NSA2: variants seen among roughly 807,000 people sequenced by gnomAD.
NSA2 encodes the protein ribosome biogenesis protein NSA2 homolog.
Under a neutral mutation model 34.8 loss-of-function variants are expected in NSA2, and 18 were observed. That is an observed-to-expected ratio of 0.52 (90% CI 0.36 to 0.77). NSA2 has a LOEUF of 0.77. Ranked by LOEUF, NSA2 falls within the 30% of genes least tolerant of loss-of-function variation. The pLI, the probability that NSA2 is intolerant of heterozygous loss-of-function variation, is 0.00. For synonymous variants in NSA2, 79 were observed against 100.2 expected (o/e 0.79, Z 1.26); for missense variants, 188 against 314.7 (o/e 0.60, Z 3.05).
chr5:74,770,877 T>A, intron 4 of NSA2, 67 bp downstream of exon 4: 1 of 1,183,388 alleles, frequency 8.5e-7, no homozygotes, highest in South Asian at 1.9e-5. Flanking sequence ...TAAAGAACAT[T>A]ATCATTTCCT....
intron 4 of NSA2, among the ~76,000 whole-genome samples, chr5:74,771,853 CAAAA>C (rs11291606): frequency 1.3e-5 from 1 of 76,558 alleles, no homozygotes; most frequent in Non-Finnish European, 3.0e-5. Flanking sequence ...GATTCTGTCT[CAAAA>C]AAAAAAAAAA....
intron 4 of NSA2, among the ~76,000 whole-genome samples, chr5:74,772,399 A>G (rs899939582): frequency 1.3e-5 from 2 of 151,568 alleles, no homozygotes; most frequent in Admixed American, 1.3e-4. Flanking sequence ...AATTACAGGC[A>G]TGAGCCACCG....
rs1465882446 is a variant in NSA2 at position 74,777,264 on chromosome 5, T to C, written c.*593T>C. ...TATAATAATACCTACTTGGCACTAT[T>C]TTCTACTTGAATCATGAAAATGAAA... is the stretch of plus-strand genomic sequence containing the variant. On this transcript the variant is annotated 3_prime_UTR_variant, in exon 6 of 6. Transcript: ENST00000610426. 1 of 152,162 alleles carries C rather than the reference T, an allele frequency of 6.6e-6. No homozygotes were observed. The highest frequency in any genetic ancestry group is 1.5e-5 in the Non-Finnish European group (1 of 67,990). The allele number at this position is 152,162 out of a possible 1,614,324, so 9.4% of individuals were successfully genotyped here. A position where few individuals can be genotyped will look rare whatever the true frequency, so the allele number is the denominator to read the frequency against.
chr5:74,776,309 G>C (rs1745118421), intron 5 of NSA2, among the ~76,000 whole-genome samples: 1 of 152,138 alleles, frequency 6.6e-6, no homozygotes, highest in Non-Finnish European at 1.5e-5. Flanking sequence ...AGCCCAGCCT[G>C]GGCAACATGG....
intron 1 of NSA2, 85 bp downstream of exon 1, chr5:74,767,448 G>A: frequency 6.5e-7 from 1 of 1,535,572 alleles, no homozygotes; most frequent in Non-Finnish European, 8.9e-7. Context: ...GGTAGGGGGT[G>A]AGCGGTGGTA....
chr5:74,768,178 T>G (rs546256642), intron 1 of NSA2, among the ~76,000 whole-genome samples: 6 of 152,354 alleles, frequency 3.9e-5, no homozygotes, highest in African/African-American at 1.4e-4. Flanking sequence ...AGTTGTTTAT[T>G]GCAGATTTAT....
chr5:74,767,329 C>A lies in NSA2; in HGVS notation c.-32C>A. ...AATTGAGAGCGTTTTCGCACTCCAG[C>A]GGCTGCTCCTGGCGGCTCTGCGGCC... is the stretch of plus-strand genomic sequence containing the variant. On this transcript the variant is annotated 5_prime_UTR_variant, in exon 1 of 6. Coordinates refer to ENST00000610426, the MANE Select transcript of NSA2 (RefSeq NM_014886.6). 6.2e-7 allele frequency: 1 copy of A among 1,612,922 alleles called. No homozygotes were observed. The highest frequency in any genetic ancestry group is 8.5e-7 in the Non-Finnish European group (1 of 1,179,352).
intron 5 of NSA2, 28 bp downstream of exon 5, chr5:74,774,088 C>T (rs370640487): frequency 6.6e-6 from 10 of 1,513,628 alleles, no homozygotes; most frequent in Non-Finnish European, 9.1e-6. Context: ...TACAGGGCTG[C>T]TGTGTTCTGC....
intron 5 of NSA2, among the ~76,000 whole-genome samples, chr5:74,774,381 C>A (rs1745042135): frequency 6.6e-6 from 1 of 152,114 alleles, no homozygotes; most frequent in African/African-American, 2.4e-5. Flanking sequence ...GCGGGTGGAT[C>A]ACCTGAAGTC....
chr5:74,774,612 T>A (rs533906883), intron 5 of NSA2, among the ~76,000 whole-genome samples: 267 of 151,922 alleles, frequency 1.8e-3, no homozygotes, highest in African/African-American at 5.8e-3. Flanking sequence ...TCAAAAAAAA[T>A]TTTTTTAACC....
intron 4 of NSA2, 135 bp from the exon 5 acceptor site, chr5:74,773,733 G>C (rs750003168): frequency 1.5e-6 from 1 of 651,106 alleles, no homozygotes. Flanking sequence ...AACATATTTT[G>C]TTAGCTTCTT....
chr5:74,775,591 C>A lies in NSA2; in HGVS notation c.716-1013C>A, dbSNP rs1026157667. On this transcript the variant is annotated intron_variant, in intron 5 of 5. Coordinates refer to ENST00000610426, the MANE Select transcript of NSA2 (RefSeq NM_014886.6). Reference sequence around the variant, plus strand: ...TGCCACTGCACTCCGGCCTGGGAGACAGAGCAAGCCTCCATCTCAAAAATA... The same window carrying A: ...TGCCACTGCACTCCGGCCTGGGAGAAAGAGCAAGCCTCCATCTCAAAAATA... 2.6e-5 allele frequency among the ~76,000 whole-genome samples: 4 copies of A among 151,780 alleles called. No individual in the cohort carries two copies. The East Asian group carries it at 7.7e-4, about 29-fold the overall frequency.
intron 5 of NSA2, among the ~76,000 whole-genome samples, chr5:74,775,691 T>TAA (rs11445878): frequency 6.7e-6 from 1 of 150,250 alleles, no homozygotes; most frequent in Non-Finnish European, 1.5e-5. Flanking sequence ...AAGTTATAAC[T>TAA]AAAAAAAATT....
At position 74,767,487 on chromosome 5, in the gene NSA2, G is replaced by A. The variant is rs923023796; in HGVS notation, c.3+124G>A. 3.9e-5 allele frequency: 47 copies of A among 1,199,472 alleles called. 1 individual carries two copies. The highest frequency in any genetic ancestry group is 5.3e-5 in the Admixed American group (3 of 56,586). 74.3% of individuals were successfully genotyped at this position (1,199,472 alleles called of 1,614,324 possible). A position where few individuals can be genotyped will look rare whatever the true frequency, so the allele number is the denominator to read the frequency against. ...GGAAATGAGAACTGCCAAGAGAAAA[G>A]GATGGTAGACCCGTGGGGTGGGCTC... is the stretch of plus-strand genomic sequence containing the variant. On this transcript the variant is annotated intron_variant, in intron 1 of 5. Transcript: ENST00000610426.
At chr5:74,775,451 C>T (rs949650373) in intron 5 of NSA2, among the ~76,000 whole-genome samples, 1 of 151,686 alleles carries the variant, frequency 6.6e-6, no homozygotes. Flanking sequence ...GCCGTCTCTA[C>T]TAAAAATACA....
In NSA2 at chr5:74,769,292, G is replaced by A. The variant is rs1457969176; in HGVS notation, c.270G>A (p.Leu90=). The A allele has an allele frequency of 3.7e-6, 6 of 1,613,430 alleles. No homozygotes were observed. The highest frequency in any genetic ancestry group is 5.1e-6 in the Non-Finnish European group (6 of 1,179,748). The change falls in exon 3 of 6, where the codon CTG becomes CTA. Residue 90 remains leucine, a synonymous_variant. Transcript: ENST00000610426. ...CACAGGGAGCAGTACCTGCCTATCTGCTGGACAGAGAGGGACAATCTCGAG... is the reference window on the plus strand; with the variant it reads ...CACAGGGAGCAGTACCTGCCTATCTACTGGACAGAGAGGGACAATCTCGAG... The part of the protein sequence containing the change: ...KTPQGAVPAY[L]LDREGQSRAK...
In NSA2 at chr5:74,778,717, A is replaced by C. The variant is rs1236218949; in HGVS notation, c.*2046A>C. ...TGAATAATTTAAACTTGAAAGAACT[A>C]AAATACTAATAACCATCTGCTTTAT... On this transcript the variant is annotated 3_prime_UTR_variant, in exon 6 of 6. Transcript: ENST00000610426. 6.6e-6 allele frequency: 1 copy of C among 152,126 alleles called. No homozygotes were observed. The highest frequency in any genetic ancestry group is 1.5e-5 in the Non-Finnish European group (1 of 67,940). 9.4% of individuals were successfully genotyped at this position (152,126 alleles called of 1,614,324 possible). A position where few individuals can be genotyped will look rare whatever the true frequency, so the allele number is the denominator to read the frequency against.
chr5:74,768,806 C>T (rs915648443), intron 1 of NSA2, 125 bp from the exon 2 acceptor site: 6 of 725,188 alleles, frequency 8.3e-6, no homozygotes, highest in African/African-American at 3.6e-5. Flanking sequence ...CTTAATGGTG[C>T]AAGAATCATT....
chr5:74,769,321 A>C lies in NSA2; in HGVS notation c.299A>C (p.Lys100Thr). The C allele has an allele frequency of 1.2e-6, 2 of 1,613,300 alleles. No homozygotes were observed. ...LLDREGQSRA[K>T]VLSNMIKQKR... Reference sequence around the variant, plus strand: ...GACAGAGAGGGACAATCTCGAGCTAAAGTACTTTCCAATATGATTAAACAG... The same window carrying C: ...GACAGAGAGGGACAATCTCGAGCTACAGTACTTTCCAATATGATTAAACAG... The change falls in exon 3 of 6, where the codon AAA becomes ACA. Residue 100 changes from lysine (K) to threonine (T), a missense_variant. Coordinates refer to ENST00000610426, the MANE Select transcript of NSA2 (RefSeq NM_014886.6).
Sources: allele counts gnomAD v4.1 joint callset (sites outside exome capture counted in the v4.1 genomes callset), GRCh38; gene constraint gnomAD v4.1.1; transcripts MANE v1.5; gene names NCBI Gene and HGNC (gene_info 2026-07-23, HGNC 2026-07-21).